ZNF697: variants seen among roughly 807,000 people sequenced by gnomAD.
ZNF697 encodes zinc finger protein 697.
ZNF697 carries 23 observed loss-of-function variants against 32.4 expected under a neutral mutation model. That is an observed-to-expected ratio of 0.71 (90% CI 0.51 to 1.01). The LOEUF (loss-of-function observed/expected upper bound fraction) is 1.01. Among genes scored for constraint, ZNF697 ranks in the 50% least tolerant of loss-of-function variants. ZNF697 has a pLI of 0.00. For missense variants in ZNF697, 930 were observed against 794.0 expected (o/e 1.17, Z -2.06); for synonymous variants, 418 against 337.2 (o/e 1.24, Z -2.62).
At chr1:119,630,012 C>G (rs1244548789) in intron 1 of ZNF697, among the ~76,000 whole-genome samples, 1 of 152,188 alleles carries the variant, frequency 6.6e-6, no homozygotes, top group African/African-American at 2.4e-5. Context: ...TCAGTAAACC[C>G]TAACGTACAC....
rs898456737 is a variant in ZNF697 at position 119,623,582 on chromosome 1, C to A, written c.761G>T (p.Arg254Leu). ...GCGGAAGGGCTTTTCGCGCGGGGGCCGGGCCAGCGGGGGCCCGGCCCCGAA... is the reference window on the plus strand; with the variant it reads ...GCGGAAGGGCTTTTCGCGCGGGGGCAGGGCCAGCGGGGGCCCGGCCCCGAA... Reference protein sequence around the residue: ...GGFGAGPPLARPPREKPFRCG... With the variant: ...GGFGAGPPLALPPREKPFRCG... Residue 254 changes from arginine to leucine, a missense_variant, in exon 3 of 3, where the codon CGG becomes CTG. Coordinates refer to ENST00000421812, the MANE Select transcript of ZNF697 (RefSeq NM_001080470.2). The A allele has an allele frequency of 3.5e-6, 5 of 1,443,396 alleles. No individual in the cohort carries two copies. The South Asian group carries it at 4.3e-5, about 12-fold the overall frequency. 89.4% of individuals were successfully genotyped at this position (1,443,396 alleles called of 1,614,324 possible). A position where few individuals can be genotyped will look rare whatever the true frequency, so the allele number is the denominator to read the frequency against.
At position 119,648,220 on chromosome 1, in the gene ZNF697, G is replaced by GGCTGGCTGGCTC. The variant is rs1649275385; in HGVS notation, c.-568_-567insGAGCCAGCCAGC. 1.3e-5 allele frequency among the ~76,000 whole-genome samples: 2 copies of GGCTGGCTGGCTC among 151,672 alleles called. No homozygotes were observed. The highest frequency in any genetic ancestry group is 2.1e-4 in the South Asian group (1 of 4,822). ...TGGCTGGTTGGCTGGCTGGCTGGCT[G>GGCTGGCTGGCTC]GCTGGCTGGCTGGCTCGCTGGCTGG... On this transcript the variant is annotated 5_prime_UTR_variant, in exon 1 of 3. Transcript: ENST00000421812.
chr1:119,643,089 A>G (rs1649120993), intron 1 of ZNF697, among the ~76,000 whole-genome samples: 2 of 152,266 alleles, frequency 1.3e-5, no homozygotes, highest in Admixed American at 6.5e-5. Context: ...CAGAAAGTTT[A>G]TTCCTGTTTT....
At chr1:119,632,407 G>C (rs913600471) in intron 1 of ZNF697, among the ~76,000 whole-genome samples, 2 of 152,176 alleles carry the variant, frequency 1.3e-5, no homozygotes, top group African/African-American at 4.8e-5. Flanking sequence ...AGTGTTGCCC[G>C]CTCTCCAGAC....
At chr1:119,632,138 T>C (rs954310417) in intron 1 of ZNF697, among the ~76,000 whole-genome samples, 2 of 152,080 alleles carry the variant, frequency 1.3e-5, no homozygotes, top group Admixed American at 6.5e-5. Flanking sequence ...ACTGCTAAGT[T>C]TATGGTCAAA....
At chr1:119,647,283 C>T (rs1649238468) in intron 1 of ZNF697, among the ~76,000 whole-genome samples, 1 of 152,208 alleles carries the variant, frequency 6.6e-6, no homozygotes, top group African/African-American at 2.4e-5. Flanking sequence ...CCTCCATGCA[C>T]AATCCTGAGC....
At chr1:119,642,514 A>G (rs900562953) in intron 1 of ZNF697, among the ~76,000 whole-genome samples, 4 of 152,152 alleles carry the variant, frequency 2.6e-5, no homozygotes, top group Non-Finnish European at 4.4e-5. Context: ...GTGAACCTAA[A>G]ACTGCTCTAA....
chr1:119,647,511 A>G (rs1191669736), intron 1 of ZNF697, among the ~76,000 whole-genome samples, 180 bp downstream of exon 1: 2 of 152,120 alleles, frequency 1.3e-5, no homozygotes, highest in Non-Finnish European at 1.5e-5. Context: ...AGAATGGAGA[A>G]GAGAGGAAAA....
At chr1:119,644,969 A>G (rs895861136) in intron 1 of ZNF697, among the ~76,000 whole-genome samples, 2 of 152,234 alleles carry the variant, frequency 1.3e-5, no homozygotes, top group African/African-American at 4.8e-5. Context: ...AGCACTTTGC[A>G]CCTTCATAAT....
At chr1:119,638,606 G>C (rs912121196) in intron 1 of ZNF697, among the ~76,000 whole-genome samples, 1 of 152,090 alleles carries the variant, frequency 6.6e-6, no homozygotes, top group African/African-American at 2.4e-5. Context: ...CCTAAAATAG[G>C]TCAGCCTTCA....
intron 1 of ZNF697, among the ~76,000 whole-genome samples, chr1:119,640,598 C>T (rs1649041001): frequency 6.6e-6 from 1 of 152,208 alleles, no homozygotes; most frequent in Non-Finnish European, 1.5e-5. Context: ...ACCCTTGATT[C>T]AGCTGTGCAA....
Position 119,632,693 on chromosome 1 carries a change from T to A in ZNF697, c.-37-6556A>T, listed in dbSNP as rs969731041. 5.3e-5 allele frequency among the ~76,000 whole-genome samples: 8 copies of A among 152,156 alleles called. No individual in the cohort carries two copies. In the East Asian group the frequency reaches 9.6e-4, roughly 18 times the overall value. On this transcript the variant is annotated intron_variant, in intron 1 of 2. Coordinates refer to ENST00000421812, the MANE Select transcript of ZNF697 (RefSeq NM_001080470.2). ...CTCAGCTTATCACAAATGCCAATCC[T>A]CCACCACCACCCTATTCCTCCTGCA... is the stretch of plus-strand genomic sequence containing the variant.
At position 119,624,015 on chromosome 1, in the gene ZNF697, C is replaced by T. The variant is rs778830795; in HGVS notation, c.328G>A (p.Asp110Asn). ...MAMFPGLSES[D>N]SISRSLREDD... ...TCCCGGAGGCTCCGGGATATGCTGT[C>T]AGACTCAGACAGTCCTGGGAACATC... The change falls in exon 3 of 3, where the codon GAC (aspartate) becomes AAC (asparagine). Residue 110 changes from aspartate (D) to asparagine (N), a missense_variant. Coordinates refer to ENST00000421812, the MANE Select transcript of ZNF697 (RefSeq NM_001080470.2). The T allele has an allele frequency of 5.6e-6, 9 of 1,613,256 alleles. No individual in the cohort carries two copies. The Admixed American group carries it at 1.2e-4, about 21-fold the overall frequency.
intron 1 of ZNF697, among the ~76,000 whole-genome samples, chr1:119,640,029 AATT>A (rs1346100829): frequency 1.3e-5 from 2 of 152,292 alleles, no homozygotes; most frequent in South Asian, 2.1e-4. Flanking sequence ...GCTCAGATAG[AATT>A]ATTATTATTT....
In ZNF697 at chr1:119,623,288, G is replaced by GGCCGCAGCGCCGCCGCCCCCGC; in HGVS notation, c.1033_1054dup (p.Pro352ArgfsTer90). 18 of 1,438,086 alleles carry GGCCGCAGCGCCGCCGCCCCCGC rather than the reference G, an allele frequency of 1.3e-5. No individual in the cohort carries two copies. Among genetic ancestry groups the GGCCGCAGCGCCGCCGCCCCCGC allele is most frequent in the Non-Finnish European group, 1.6e-5 (18 of 1,098,904 alleles). The allele number at this position is 1,438,086 out of a possible 1,614,324, so 89.1% of individuals were successfully genotyped here. On this transcript the variant is annotated frameshift_variant, in exon 3 of 3. Transcript: ENST00000421812. LOFTEE classifies it high-confidence loss of function. Reference sequence around the variant, plus strand: ...CTTGCCGCACTCCCCGCAGGCGAAGGGCCGCAGCGCCGCCGCCCCCGCGCC... The same window carrying GGCCGCAGCGCCGCCGCCCCCGC: ...CTTGCCGCACTCCCCGCAGGCGAAGGGCCGCAGCGCCGCCGCCCCCGCGCCGCAGCGCCGCCGCCCCCGCGCC...
In ZNF697 at chr1:119,623,593, G is replaced by A. The variant is rs1301795369; in HGVS notation, c.750C>T (p.Pro250=). The A allele has an allele frequency of 7.0e-7, 1 of 1,436,480 alleles. No individual in the cohort carries two copies. The highest frequency in any genetic ancestry group is 9.0e-7 in the Non-Finnish European group (1 of 1,107,700). 89.0% of individuals were successfully genotyped at this position (1,436,480 alleles called of 1,614,324 possible). Residue 250 remains proline, a synonymous_variant, in exon 3 of 3, where the codon CCC becomes CCT. Transcript: ENST00000421812. The part of the protein sequence containing the change: ...VGVAGGFGAG[P]PLARPPREKP... ...TTTCGCGCGGGGGCCGGGCCAGCGGGGGCCCGGCCCCGAAGCCCCCCGCCA... is the reference window on the plus strand; with the variant it reads ...TTTCGCGCGGGGGCCGGGCCAGCGGAGGCCCGGCCCCGAAGCCCCCCGCCA...
At chr1:119,641,666 G>A (rs149205305) in intron 1 of ZNF697, among the ~76,000 whole-genome samples, 1 of 152,210 alleles carries the variant, frequency 6.6e-6, no homozygotes, top group African/African-American at 2.4e-5. Flanking sequence ...GAAGGGACCA[G>A]ATGGGAGGTA....
chr1:119,635,122 A>G (rs1402460439), intron 1 of ZNF697, among the ~76,000 whole-genome samples: 1 of 152,236 alleles, frequency 6.6e-6, no homozygotes, highest in African/African-American at 2.4e-5. Flanking sequence ...TATATTTACT[A>G]GAAAGCTTAT....
rs587683748 is a variant in ZNF697, at chr1:119,625,797, C to T, written c.226+78G>A. The T allele has an allele frequency of 1.6e-4, 249 of 1,542,906 alleles. 1 individual carries two copies. In the African/African-American group the frequency reaches 2.3e-3, roughly 14 times the overall value. On this transcript the variant is annotated intron_variant, in intron 2 of 2. Transcript: ENST00000421812. Reference sequence around the variant, plus strand: ...GGAACTCCCTTACAGAGAATGCTGTCGCTAGTTATGATTCTAGAGGAGCTA... The same window carrying T: ...GGAACTCCCTTACAGAGAATGCTGTTGCTAGTTATGATTCTAGAGGAGCTA...
Sources: gnomAD v4.1 joint callset for allele counts (sites outside exome capture counted in the v4.1 genomes callset) on GRCh38, gnomAD v4.1.1 for gene constraint, MANE v1.5 for transcripts, NCBI Gene and HGNC (gene_info 2026-07-23, HGNC 2026-07-21) for gene names.